The following NBEA variants were observed in gnomAD, a reference collection of about 807,000 sequenced individuals.
NBEA encodes the protein neurobeachin.
NBEA carries 44 observed loss-of-function variants against 343.4 expected under a neutral mutation model. That is an observed-to-expected ratio of 0.13 (90% CI 0.10 to 0.16). NBEA has a LOEUF of 0.16. NBEA is among the 10% of genes least tolerant of loss of function. The probability of loss-of-function intolerance (pLI) is 1.00; values close to 1 mark genes in which losing one functional copy is unlikely to be tolerated. For missense variants in NBEA, 2,555 were observed against 3,631.3 expected, an observed-to-expected ratio of 0.70 and a Z score of 7.62; for synonymous variants, 1,175 against 1,238.7, an observed-to-expected ratio of 0.95 and a Z score of 1.08.
rs869112275 is a variant in NBEA, at chr13:35,007,273, CT to C, written c.295-33654del. The stretch of plus-strand genomic sequence containing the variant: ...AGCCCTATTCATTGTATTTCACATC[CT>C]TTTTTCCCCCCTCTGTTTTTATCCT... On this transcript the variant is annotated intron_variant, in intron 1 of 58. Coordinates refer to ENST00000379939, the MANE Select transcript of NBEA (RefSeq NM_001385012.1). Among the ~76,000 whole-genome samples the C allele has an allele frequency of 1.1e-4, 16 of 152,046 alleles. No individual in the cohort carries two copies. In the East Asian group the frequency reaches 1.3e-3, roughly 13 times the overall value.
chr13:35,431,800 G>T lies in NBEA; in HGVS notation c.6180-469G>T, dbSNP rs377329717. ...TCATTTTTCCACCAAATCCAAGTGG[G>T]CAATATTTTATACTTCTTAATTCAG... On this transcript the variant is annotated intron_variant, in intron 38 of 58. Coordinates refer to ENST00000379939, the MANE Select transcript of NBEA (RefSeq NM_001385012.1). Among the ~76,000 whole-genome samples, 5 of 152,204 alleles carry T rather than the reference G, an allele frequency of 3.3e-5. No homozygotes were observed. In the South Asian group the frequency reaches 8.3e-4, roughly 25 times the overall value.
At chr13:35,106,100 A>T (rs563874743) in intron 11 of NBEA, among the ~76,000 whole-genome samples, 1 of 152,114 alleles carries the variant, frequency 6.6e-6, no homozygotes, top group Admixed American at 6.6e-5. Context: ...GCCATGTCAC[A>T]TATAGTACTT....
chr13:35,043,972 T>G (rs560633277), intron 2 of NBEA, among the ~76,000 whole-genome samples: 1 of 152,184 alleles, frequency 6.6e-6, no homozygotes, highest in African/African-American at 2.4e-5. Flanking sequence ...CTTTAGAAAT[T>G]GAGAAAACGA....
chr13:35,117,659 A>T (rs973748813), intron 14 of NBEA, among the ~76,000 whole-genome samples, 166 bp downstream of exon 14: 2 of 152,100 alleles, frequency 1.3e-5, no homozygotes, highest in South Asian at 2.1e-4. Flanking sequence ...CTAACTTCTG[A>T]TTAAATGCTC....
At chr13:35,605,928 AC>A (rs2153051538) in intron 47 of NBEA, among the ~76,000 whole-genome samples, 1 of 152,108 alleles carries the variant, frequency 6.6e-6, no homozygotes, top group Non-Finnish European at 1.5e-5. Context: ...AGTAAAAAAA[AC>A]TATGAATCTC....
At chr13:35,374,514 A>G (rs1049111373) in intron 38 of NBEA, among the ~76,000 whole-genome samples, 1 of 152,206 alleles carries the variant, frequency 6.6e-6, no homozygotes, top group African/African-American at 2.4e-5. Context: ...TTGGAAAAAT[A>G]CAGTTATCTG....
chr13:34,943,159 T>C (rs756524118), intron 1 of NBEA, 45 bp downstream of exon 1: 1 of 1,602,858 alleles, frequency 6.2e-7, no homozygotes, highest in Non-Finnish European at 8.5e-7. Context: ...AGTCCCCACA[T>C]ACACCGTCCC....
At chr13:35,459,407 G>A (rs535625931) in intron 40 of NBEA, among the ~76,000 whole-genome samples, 1 of 151,766 alleles carries the variant, frequency 6.6e-6, no homozygotes, top group Non-Finnish European at 1.5e-5. Context: ...CTTTTTGAAT[G>A]CATTCACTTG....
chr13:35,376,946 ACCT>A (rs2041774856), intron 38 of NBEA, among the ~76,000 whole-genome samples: 1 of 152,000 alleles, frequency 6.6e-6, no homozygotes, highest in Non-Finnish European at 1.5e-5. Context: ...AAATTTTCAG[ACCT>A]CCTTCCATAC....
intron 41 of NBEA, among the ~76,000 whole-genome samples, chr13:35,515,433 A>G (rs1256738815): frequency 1.3e-5 from 2 of 152,248 alleles, no homozygotes; most frequent in Non-Finnish European, 1.5e-5. Flanking sequence ...TACCTTTTGA[A>G]TGTTCCAAAA....
chr13:35,563,391 TC>T (rs1336914655), intron 44 of NBEA, among the ~76,000 whole-genome samples: 5 of 151,986 alleles, frequency 3.3e-5, no homozygotes, highest in Non-Finnish European at 7.4e-5. Context: ...GTATTTTTTT[TC>T]ATTTCACAAA....
intron 1 of NBEA, among the ~76,000 whole-genome samples, chr13:34,983,272 T>C (rs2060423053): frequency 6.6e-6 from 1 of 151,870 alleles, no homozygotes; most frequent in African/African-American, 2.4e-5. Context: ...GAACATGCGG[T>C]GTTTGGTTTT....
intron 1 of NBEA, among the ~76,000 whole-genome samples, chr13:35,010,741 A>ATATATATAT (rs1233348410): frequency 1.6e-4 from 5 of 31,924 alleles, no homozygotes; most frequent in East Asian, 3.8e-3. Flanking sequence ...AAAAAAAAAA[A>ATATATATAT]ATATATATAT....
intron 56 of NBEA, among the ~76,000 whole-genome samples, chr13:35,667,173 G>A (rs534619187): frequency 5.6e-4 from 85 of 152,330 alleles, no homozygotes; most frequent in African/African-American, 1.9e-3. Context: ...AGCGTGCGGC[G>A]TAGGAGTGTG....
At chr13:35,584,452 A>G (rs1163760963) in intron 46 of NBEA, among the ~76,000 whole-genome samples, 1 of 151,726 alleles carries the variant, frequency 6.6e-6, no homozygotes, top group Non-Finnish European at 1.5e-5. Flanking sequence ...CCGAGTAACT[A>G]GAACTACAGG....
chr13:35,261,004 C>T (rs2033161388), intron 34 of NBEA, among the ~76,000 whole-genome samples: 2 of 152,060 alleles, frequency 1.3e-5, no homozygotes, highest in South Asian at 2.1e-4. Flanking sequence ...GAACAAAGCC[C>T]AACACATTTT....
At chr13:35,547,651 G>A (rs2079121346) in intron 41 of NBEA, among the ~76,000 whole-genome samples, 1 of 152,158 alleles carries the variant, frequency 6.6e-6, no homozygotes, top group South Asian at 2.1e-4. Flanking sequence ...ACTTTGGGAG[G>A]CCGAGTCAGG....
chr13:35,551,405 T>A (rs2153013533), intron 43 of NBEA, among the ~76,000 whole-genome samples: 1 of 152,320 alleles, frequency 6.6e-6, no homozygotes, highest in Admixed American at 6.5e-5. Context: ...AAATGCCATA[T>A]ATAAATGCTT....
chr13:35,618,163 T>C (rs1051919521), intron 48 of NBEA, among the ~76,000 whole-genome samples: 12 of 152,214 alleles, frequency 7.9e-5, no homozygotes, highest in Non-Finnish European at 7.3e-5. Flanking sequence ...AAATGTCATA[T>C]ATTCCAAAGA....
Sources: allele counts gnomAD v4.1 joint callset (sites outside exome capture counted in the v4.1 genomes callset), GRCh38; gene constraint gnomAD v4.1.1; transcripts MANE v1.5; gene names NCBI Gene and HGNC (gene_info 2026-07-23, HGNC 2026-07-21).